RBPMS: variants seen among roughly 807,000 people sequenced by gnomAD.
RBPMS encodes RNA binding protein, mRNA processing factor.
Under a neutral mutation model 26.8 loss-of-function variants are expected in RBPMS, and 7 were observed. That is an observed-to-expected ratio of 0.26 (90% CI 0.15 to 0.49). RBPMS has a LOEUF of 0.49. RBPMS is among the 20% of genes least tolerant of loss of function. RBPMS has a pLI of 0.98. For missense variants in RBPMS, 186 were observed against 250.0 expected, an observed-to-expected ratio of 0.74 and a Z score of 1.73; for synonymous variants, 96 against 93.3, an observed-to-expected ratio of 1.03 and a Z score of -0.17.
chr8:30,504,246 G>C (rs1820861642), intron 4 of RBPMS, 40 bp from the exon 5 acceptor site: 2 of 1,611,292 alleles, frequency 1.2e-6, no homozygotes. Flanking sequence ...TTGACTCAAA[G>C]GAAATGAAAA....
chr8:30,462,624 C>G (rs978093713), intron 1 of RBPMS, among the ~76,000 whole-genome samples: 3 of 151,980 alleles, frequency 2.0e-5, no homozygotes, highest in African/African-American at 2.4e-5. Context: ...TTTCACCATG[C>G]ACCATGTCTG....
rs71278690 is a variant in RBPMS, at chr8:30,419,450, A to ATGTGTGTGTGTGTG, written c.66+34312_66+34325dup. On this transcript the variant is annotated intron_variant, in intron 1 of 8. Coordinates refer to ENST00000397323, the MANE Select transcript of RBPMS (RefSeq NM_001008710.3). ...GACAGAGTGAGATTGCATCTCAAAA[A>ATGTGTGTGTGTGTG]TGTGTGTGTGTGTGTGTGTGTGTGT... 9.3e-3 allele frequency among the ~76,000 whole-genome samples: 1,331 copies of ATGTGTGTGTGTGTG among 143,230 alleles called. 34 individuals carry two copies. The highest frequency in any genetic ancestry group is 0.031 in the African/African-American group (1,175 of 37,852). 94.0% of individuals were successfully genotyped at this position (143,230 alleles called of 152,430 possible).
intron 8 of RBPMS, among the ~76,000 whole-genome samples, chr8:30,569,078 T>G (rs1828091779): frequency 6.6e-6 from 1 of 152,056 alleles, no homozygotes; most frequent in Admixed American, 6.5e-5. Flanking sequence ...AGCCACCATA[T>G]CCCCCTCATC....
At chr8:30,391,092 AAT>A (rs1463211493) in intron 1 of RBPMS, among the ~76,000 whole-genome samples, 14 of 146,506 alleles carry the variant, frequency 9.6e-5, no homozygotes, top group African/African-American at 3.7e-4. Context: ...TGGTCCATCA[AAT>A]AGCCACTGCT....
chr8:30,549,807 T>C (rs1240970317), intron 6 of RBPMS, among the ~76,000 whole-genome samples: 263 of 70,372 alleles, frequency 3.7e-3, no homozygotes, highest in Middle Eastern at 0.023. Context: ...CCCTCTCTCC[T>C]CTCTCTCTCT....
chr8:30,421,977 A>C (rs1048312568), intron 1 of RBPMS, among the ~76,000 whole-genome samples: 1 of 151,308 alleles, frequency 6.6e-6, no homozygotes, highest in African/African-American at 2.4e-5. Flanking sequence ...AGAAAAAAAA[A>C]GCTGGTTGCT....
chr8:30,551,093 A>T (rs553912819), intron 6 of RBPMS, among the ~76,000 whole-genome samples: 1 of 152,258 alleles, frequency 6.6e-6, no homozygotes, highest in African/African-American at 2.4e-5. Flanking sequence ...CTCTCTTCAC[A>T]GTTCTGCCAG....
At chr8:30,416,237 A>AG (rs1563297720) in intron 1 of RBPMS, among the ~76,000 whole-genome samples, 1 of 152,240 alleles carries the variant, frequency 6.6e-6, no homozygotes, top group East Asian at 1.9e-4. Flanking sequence ...GTTAATCCAT[A>AG]GGACATACAG....
chr8:30,494,156 A>C (rs1479677414), intron 4 of RBPMS, among the ~76,000 whole-genome samples: 4 of 152,218 alleles, frequency 2.6e-5, no homozygotes, highest in African/African-American at 9.6e-5. Context: ...GAAGCAGGAC[A>C]CACGTCAGCT....
chr8:30,495,928 T>C (rs904308539), intron 4 of RBPMS, among the ~76,000 whole-genome samples: 2 of 152,206 alleles, frequency 1.3e-5, no homozygotes, highest in African/African-American at 4.8e-5. Context: ...ACACGCTCTA[T>C]TGGGAATTTA....
intron 1 of RBPMS, among the ~76,000 whole-genome samples, chr8:30,438,788 T>A (rs1018573090): frequency 6.6e-6 from 1 of 152,176 alleles, no homozygotes; most frequent in East Asian, 1.9e-4. Context: ...TTATTTATTT[T>A]TTTTGAAATA....
chr8:30,519,811 C>A (rs1034996720), intron 5 of RBPMS, among the ~76,000 whole-genome samples: 2 of 151,906 alleles, frequency 1.3e-5, no homozygotes, highest in Non-Finnish European at 2.9e-5. Context: ...CTTTTTTATG[C>A]CATTGGATTA....
At chr8:30,543,812 T>C (rs1004010838) in intron 5 of RBPMS, among the ~76,000 whole-genome samples, 4 of 152,192 alleles carry the variant, frequency 2.6e-5, no homozygotes, top group African/African-American at 9.6e-5. Context: ...CTCACTTTTT[T>C]CCCCTAAAAG....
intron 1 of RBPMS, among the ~76,000 whole-genome samples, chr8:30,410,818 C>T (rs1215236110): frequency 6.6e-6 from 1 of 151,338 alleles, no homozygotes; most frequent in Non-Finnish European, 1.5e-5. Flanking sequence ...TCACTGCAGC[C>T]TCTAAGTCCC....
At chr8:30,482,917 T>C (rs144853070) in intron 4 of RBPMS, among the ~76,000 whole-genome samples, 30 of 152,276 alleles carry the variant, frequency 2.0e-4, no homozygotes, top group African/African-American at 7.2e-4. Context: ...GTAAATCAAA[T>C]TCACTAATAT....
At chr8:30,488,499 A>G (rs1334475457) in intron 4 of RBPMS, among the ~76,000 whole-genome samples, 2 of 152,214 alleles carry the variant, frequency 1.3e-5, no homozygotes, top group Non-Finnish European at 2.9e-5. Context: ...ACCAGGTGTG[A>G]AACAGAATCT....
At chr8:30,414,020 G>A (rs1247818243) in intron 1 of RBPMS, among the ~76,000 whole-genome samples, 1 of 152,214 alleles carries the variant, frequency 6.6e-6, no homozygotes, top group African/African-American at 2.4e-5. Flanking sequence ...GGGATTACAG[G>A]TGTGAGCCAC....
At chr8:30,427,148 A>G (rs1442754696) in intron 1 of RBPMS, among the ~76,000 whole-genome samples, 1 of 152,138 alleles carries the variant, frequency 6.6e-6, no homozygotes, top group Non-Finnish European at 1.5e-5. Context: ...AAATTAAGCT[A>G]ATCGGTGAAT....
At chr8:30,547,213 T>C in intron 6 of RBPMS, 1 of 959,376 alleles carries the variant, frequency 1.0e-6, no homozygotes, top group Non-Finnish European at 1.6e-6. Context: ...ATAATGTCTT[T>C]GGAGAGGCTT....
Sources: gnomAD v4.1 joint callset for allele counts (sites outside exome capture counted in the v4.1 genomes callset) on GRCh38, gnomAD v4.1.1 for gene constraint, MANE v1.5 for transcripts, NCBI Gene and HGNC (gene_info 2026-07-23, HGNC 2026-07-21) for gene names.